Variants in CXCL13 observed in about 807,000 individuals in gnomAD.
CXCL13 encodes the protein C-X-C motif chemokine ligand 13, also known as C-X-C motif chemokine 13.
A neutral mutation model predicts 12.2 loss-of-function variants in CXCL13; 7 were observed. That is an observed-to-expected ratio of 0.57 (90% CI 0.33 to 1.07). CXCL13 has a LOEUF of 1.07. Among genes scored for constraint, CXCL13 ranks in the 50% least tolerant of loss-of-function variants. The pLI is 0.04. For missense variants in CXCL13, 113 were observed against 127.4 expected, an observed-to-expected ratio of 0.89 and a Z score of 0.55; for synonymous variants, 47 against 42.4, an observed-to-expected ratio of 1.11 and a Z score of -0.42.
intron 1 of CXCL13, among the ~76,000 whole-genome samples, chr4:77,570,975 G>C (rs1320746594): frequency 6.6e-6 from 1 of 152,018 alleles, no homozygotes; most frequent in African/African-American, 2.4e-5. Flanking sequence ...TGCAGCCCGA[G>C]ACTCCCTGAC....
At chr4:77,515,132 T>C (rs1482449488) in intron 1 of CXCL13, among the ~76,000 whole-genome samples, 1 of 152,214 alleles carries the variant, frequency 6.6e-6, no homozygotes, top group African/African-American at 2.4e-5. Flanking sequence ...TGCGGAGTTA[T>C]TTCTGAGGGC....
chr4:77,605,195 A>T (rs1255706237), upstream of CXCL13, among the ~76,000 whole-genome samples: 1 of 152,216 alleles, frequency 6.6e-6, no homozygotes, highest in South Asian at 2.1e-4. Flanking sequence ...AGACACAGGC[A>T]CACAAAGCAG....
intron 1 of CXCL13, among the ~76,000 whole-genome samples, chr4:77,540,348 T>C (rs1725169665): frequency 6.6e-6 from 1 of 152,150 alleles, no homozygotes; most frequent in Admixed American, 6.5e-5. Context: ...TGGGGTATGA[T>C]TGATCCCATC....
chr4:77,548,207 A>G lies in CXCL13; in HGVS notation c.-43+36419A>G, dbSNP rs576296902. On this transcript the variant is annotated intron_variant, in intron 1 of 4. Transcript: ENST00000286758. ...TATTCAGGCCAGGCCAGGAGGAGAA[A>G]GAGACAAATGGAGAGGACAAACCTC... is the stretch of plus-strand genomic sequence containing the variant. 2.6e-5 allele frequency among the ~76,000 whole-genome samples: 4 copies of G among 152,342 alleles called. No homozygotes were observed. The East Asian group carries it at 7.7e-4, about 29-fold the overall frequency.
intron 1 of CXCL13, among the ~76,000 whole-genome samples, chr4:77,575,363 T>C (rs1420266995): frequency 6.6e-6 from 1 of 151,890 alleles, no homozygotes; most frequent in Non-Finnish European, 1.5e-5. Flanking sequence ...GTTTGCTACA[T>C]AGGTATCTAT....
chr4:77,593,328 G>A (rs1726663170), intron 1 of CXCL13, among the ~76,000 whole-genome samples: 1 of 152,174 alleles, frequency 6.6e-6, no homozygotes, highest in African/African-American at 2.4e-5. Context: ...CCAATTTATG[G>A]TAAGAAGGAG....
chr4:77,521,223 T>C (rs1346341398), intron 1 of CXCL13, among the ~76,000 whole-genome samples: 1 of 152,244 alleles, frequency 6.6e-6, no homozygotes, highest in Non-Finnish European at 1.5e-5. Context: ...AGGATGATGC[T>C]GGCCTCATAA....
chr4:77,609,131 A>G, intron 2 of CXCL13, among the ~76,000 whole-genome samples: 1 of 152,212 alleles, frequency 6.6e-6, no homozygotes, highest in Non-Finnish European at 1.5e-5. Flanking sequence ...TCATGAACTC[A>G]GAAACCCAAT....
chr4:77,601,122 C>T (rs918293786), upstream of CXCL13, among the ~76,000 whole-genome samples: 4 of 152,100 alleles, frequency 2.6e-5, no homozygotes, highest in African/African-American at 9.7e-5. Context: ...TCGGTACACA[C>T]GTTTTAGGTT....
chr4:77,596,425 A>G (rs1006686644), intron 1 of CXCL13, among the ~76,000 whole-genome samples: 1 of 152,230 alleles, frequency 6.6e-6, no homozygotes, highest in Non-Finnish European at 1.5e-5. Flanking sequence ...TTACTCCAAA[A>G]TTAAAAATAG....
intron 1 of CXCL13, among the ~76,000 whole-genome samples, chr4:77,552,972 C>T (rs1170662278): frequency 1.3e-5 from 2 of 152,202 alleles, no homozygotes; most frequent in Non-Finnish European, 2.9e-5. Flanking sequence ...ACCATCTATG[C>T]CCATGAAGAG....
At chr4:77,523,417 CT>C (rs1361119000) in intron 1 of CXCL13, among the ~76,000 whole-genome samples, 9 of 152,208 alleles carry the variant, frequency 5.9e-5, no homozygotes, top group South Asian at 2.1e-4. Context: ...TCTTTTTACT[CT>C]TTTTTTCTCT....
upstream of CXCL13, among the ~76,000 whole-genome samples, chr4:77,603,857 C>T (rs1726945039): frequency 6.6e-6 from 1 of 152,190 alleles, no homozygotes; most frequent in South Asian, 2.1e-4. Flanking sequence ...TGGCCGAACC[C>T]TCTACATATA....
chr4:77,575,279 G>A (rs530831199), intron 1 of CXCL13, among the ~76,000 whole-genome samples: 1 of 151,932 alleles, frequency 6.6e-6, no homozygotes, highest in East Asian at 1.9e-4. Context: ...AACATCAAGT[G>A]TTTTAAACCT....
intron 1 of CXCL13, among the ~76,000 whole-genome samples, chr4:77,580,734 C>G (rs1726310535): frequency 9.4e-6 from 1 of 106,930 alleles, no homozygotes; most frequent in African/African-American, 3.7e-5. Flanking sequence ...CCCTCCCCCT[C>G]TCCTCCCCTG....
intron 1 of CXCL13, among the ~76,000 whole-genome samples, chr4:77,567,418 G>A (rs539780222): frequency 6.6e-6 from 1 of 152,232 alleles, no homozygotes; most frequent in East Asian, 1.9e-4. Context: ...GTTAAGAGTG[G>A]CAACTCTCCA....
chr4:77,544,680 C>A (rs1725306885), intron 1 of CXCL13, among the ~76,000 whole-genome samples: 1 of 152,114 alleles, frequency 6.6e-6, no homozygotes, highest in Non-Finnish European at 1.5e-5. Flanking sequence ...CAAAAATTTT[C>A]TCCCATTCTG....
intron 1 of CXCL13, among the ~76,000 whole-genome samples, chr4:77,586,965 TA>T (rs1044738457): frequency 6.6e-6 from 1 of 152,186 alleles, no homozygotes. Context: ...AGGGAAGTTC[TA>T]GGGGGGACTC....
chr4:77,593,660 A>G (rs1726673053), intron 1 of CXCL13, among the ~76,000 whole-genome samples: 1 of 152,234 alleles, frequency 6.6e-6, no homozygotes, highest in South Asian at 2.1e-4. Flanking sequence ...ATAGATGAGA[A>G]CATTTGGAAC....
Sources: gnomAD v4.1 joint callset for allele counts (sites outside exome capture counted in the v4.1 genomes callset) on GRCh38, gnomAD v4.1.1 for gene constraint, MANE v1.5 for transcripts, NCBI Gene and HGNC (gene_info 2026-07-23, HGNC 2026-07-21) for gene names.